Variants in TMPRSS11B observed in about 807,000 individuals in gnomAD.
The protein encoded by TMPRSS11B is transmembrane protease serine 11B.
A neutral mutation model predicts 44.7 loss-of-function variants in TMPRSS11B; 53 were observed. The ratio of observed to expected loss-of-function variants is 1.19; its 90% confidence interval spans 0.95 to 1.49. The LOEUF is 1.49. Ranked by LOEUF, TMPRSS11B falls within the 40% of genes most tolerant of loss-of-function variation. The pLI, the probability that TMPRSS11B is intolerant of heterozygous loss-of-function variation, is 0.00. For synonymous variants in TMPRSS11B, 140 were observed against 159.2 expected (o/e 0.88, Z 0.91); for missense variants, 526 against 494.8 (o/e 1.06, Z -0.60).
Position 68,229,399 on chromosome 4 carries a change from A to G in TMPRSS11B, c.804T>C (p.His268=), listed in dbSNP as rs375020107. The G allele has an allele frequency of 1.4e-5, 23 of 1,613,990 alleles. No individual in the cohort carries two copies. Among genetic ancestry groups the G allele is most frequent in the Middle Eastern group, 1.6e-4 (1 of 6,080 alleles). Residue 268 remains histidine, a synonymous_variant, in exon 8 of 10, where the codon CAT becomes CAC. Coordinates refer to ENST00000332644, the MANE Select transcript of TMPRSS11B (RefSeq NM_182502.3). The part of the protein sequence containing the change: ...FHENYSSPGL[H]DDIALVQLAE... ...CAAGCTGCACAAGGGCAATATCATC[A>G]TGAAGCCCAGGACTGCTATAATTTT...
In TMPRSS11B at chr4:68,226,768, A is replaced by G. The variant is rs771922525; in HGVS notation, c.*1143T>C. On this transcript the variant is annotated 3_prime_UTR_variant, in exon 10 of 10. Coordinates refer to ENST00000332644, the MANE Select transcript of TMPRSS11B (RefSeq NM_182502.3). ...GTAGAGATTACAAAGTTAGCCATCC[A>G]TATGATTGCACTTTTACTATAAGGA... 1 of 152,256 alleles carries G rather than the reference A, an allele frequency of 6.6e-6. No homozygotes were observed. The highest frequency in any genetic ancestry group is 1.5e-5 in the Non-Finnish European group (1 of 68,046). The allele number at this position is 152,256 out of a possible 1,614,324, so 9.4% of individuals were successfully genotyped here. A position where few individuals can be genotyped will look rare whatever the true frequency, so the allele number is the denominator to read the frequency against.
chr4:68,228,079 G>A lies in TMPRSS11B; in HGVS notation c.1090-7C>T, dbSNP rs1226041594. 5 of 1,583,428 alleles carry A rather than the reference G, an allele frequency of 3.2e-6. No individual in the cohort carries two copies. In the Admixed American group the frequency reaches 7.9e-5, roughly 25 times the overall value. ...GTGGTCCACCAGAATCATTCTAGAA[G>A]AAGAAAAGAAAAAAATGTTTCTTGT... is the stretch of plus-strand genomic sequence containing the variant. On this transcript the variant is annotated splice_region_variant and splice_polypyrimidine_tract_variant and intron_variant, in intron 9 of 9. Coordinates refer to ENST00000332644, the MANE Select transcript of TMPRSS11B (RefSeq NM_182502.3).
chr4:68,231,054 TTTAA>T lies in TMPRSS11B; in HGVS notation c.686+145_686+148del, dbSNP rs532208313. On this transcript the variant is annotated intron_variant, in intron 7 of 9. Transcript: ENST00000332644. Reference sequence around the variant, plus strand: ...TTTAAATGCATTTCCTTTCCTGCTCTTTAATTACGCAGGTGATTGTAAATGTTCT... The same window carrying T: ...TTTAAATGCATTTCCTTTCCTGCTCTTTACGCAGGTGATTGTAAATGTTCT... The T allele has an allele frequency of 3.0e-3, 1,864 of 614,978 alleles. 28 individuals are homozygous for T. The African/African-American group carries it at 0.032, about 10-fold the overall frequency. The allele number at this position is 614,978 out of a possible 1,614,324, so 38.1% of individuals were successfully genotyped here.
chr4:68,238,727 C>CA (rs1473209819), intron 2 of TMPRSS11B, among the ~76,000 whole-genome samples: 4 of 150,888 alleles, frequency 2.7e-5, no homozygotes, highest in Middle Eastern at 3.4e-3. Flanking sequence ...ACTCCATCTC[C>CA]AAAAAACAAA....
chr4:68,238,052 A>G (rs957902836), intron 2 of TMPRSS11B, among the ~76,000 whole-genome samples: 2 of 152,040 alleles, frequency 1.3e-5, no homozygotes, highest in Non-Finnish European at 2.9e-5. Flanking sequence ...AATATGAAAG[A>G]ATACCCTGTT....
Position 68,245,539 on chromosome 4 carries a change from A to C in TMPRSS11B, c.8+12T>G. 6.2e-7 allele frequency: 1 copy of C among 1,613,586 alleles called. No homozygotes were observed. The highest frequency in any genetic ancestry group is 1.1e-5 in the South Asian group (1 of 91,052). ...TTTGCCAACTTGCTCTCCCCAGTGAAGTCCCCTTTACCTGTACATAATGTT... is the reference window on the plus strand; with the variant it reads ...TTTGCCAACTTGCTCTCCCCAGTGACGTCCCCTTTACCTGTACATAATGTT... On this transcript the variant is annotated intron_variant, in intron 1 of 9. Coordinates refer to ENST00000332644, the MANE Select transcript of TMPRSS11B (RefSeq NM_182502.3).
intron 5 of TMPRSS11B, 37 bp from the exon 6 acceptor site, chr4:68,232,453 C>G (rs569798316): frequency 6.3e-7 from 1 of 1,585,778 alleles, no homozygotes; most frequent in South Asian, 1.1e-5. Flanking sequence ...TAAAATTGAG[C>G]AAATATCACC....
At chr4:68,242,736 AT>A (rs1719895919) in intron 1 of TMPRSS11B, among the ~76,000 whole-genome samples, 1 of 151,432 alleles carries the variant, frequency 6.6e-6, no homozygotes, top group African/African-American at 2.4e-5. Flanking sequence ...ACACCCAGCT[AT>A]TTTTTTGTAA....
At chr4:68,233,546 T>TTCTATA (rs1719578858) in intron 5 of TMPRSS11B, among the ~76,000 whole-genome samples, 1 of 152,114 alleles carries the variant, frequency 6.6e-6, no homozygotes, top group Admixed American at 6.5e-5. Context: ...GATAGATTGT[T>TTCTATA]TACTCTCTTT....
chr4:68,234,610 C>A lies in TMPRSS11B; in HGVS notation c.322G>T (p.Gly108Cys). ...TTCAGCTGTAACTGCACATTTGAAC[C>A]ATTGGCATTAGGCCTAGAAACAACA... is the stretch of plus-strand genomic sequence containing the variant. Reference protein sequence around the residue: ...EVIKLLPNANGSNVQLQLKFK... With the variant: ...EVIKLLPNANCSNVQLQLKFK... Residue 108 changes from glycine (G) to cysteine (C), a missense_variant, in exon 5 of 10, where the codon GGT becomes TGT. By Grantham distance (159) the Gly-to-Cys change is radical. Transcript: ENST00000332644. 1 of 1,613,812 alleles carries A rather than the reference C, an allele frequency of 6.2e-7. No homozygotes were observed. Among genetic ancestry groups the A allele is most frequent in the Non-Finnish European group, 8.5e-7 (1 of 1,179,916 alleles).
At chr4:68,239,272 G>T (rs1014913427) in intron 2 of TMPRSS11B, among the ~76,000 whole-genome samples, 3 of 145,364 alleles carry the variant, frequency 2.1e-5, no homozygotes, top group South Asian at 2.1e-4. Context: ...TCGCGCGCGC[G>T]CTCTCTCTCT....
At chr4:68,234,204 C>A (rs891193300) in intron 5 of TMPRSS11B, among the ~76,000 whole-genome samples, 1 of 151,900 alleles carries the variant, frequency 6.6e-6, no homozygotes, top group South Asian at 2.1e-4. Flanking sequence ...CCCTTCACCC[C>A]CTTTCCCATG....
At chr4:68,237,423 G>A (rs1191290264) in intron 2 of TMPRSS11B, among the ~76,000 whole-genome samples, 1 of 152,060 alleles carries the variant, frequency 6.6e-6, no homozygotes, top group African/African-American at 2.4e-5. Flanking sequence ...CTTTATAGTA[G>A]AATGATAATG....
rs372813892 is a variant in TMPRSS11B at position 68,229,292 on chromosome 4, A to G, written c.911T>C (p.Val304Ala). ...AAGTGTTCCCCAACCTGTAACTACA[A>G]CATTGTCATTTTCTGAGAGCTTCAT... ...AKMKLSENDN[V>A]VVTGWGTLYM... Residue 304 changes from valine (V) to alanine (A), a missense_variant, in exon 8 of 10, where the codon GTT (valine) becomes GCT (alanine). Val to Ala is a moderately conservative substitution (Grantham distance 64). Coordinates refer to ENST00000332644, the MANE Select transcript of TMPRSS11B (RefSeq NM_182502.3). 3 of 1,612,854 alleles carry G rather than the reference A, an allele frequency of 1.9e-6. No individual in the cohort carries two copies. The highest frequency in any genetic ancestry group is 2.7e-5 in the African/African-American group (2 of 74,854).
At chr4:68,242,076 GC>G in intron 1 of TMPRSS11B, among the ~76,000 whole-genome samples, 1 of 147,012 alleles carries the variant, frequency 6.8e-6, no homozygotes. Context: ...AAATTGACTT[GC>G]TTTTTTTAAA....
chr4:68,241,130 A>G (rs976839943), intron 2 of TMPRSS11B, among the ~76,000 whole-genome samples: 1 of 152,152 alleles, frequency 6.6e-6, no homozygotes, highest in Non-Finnish European at 1.5e-5. Context: ...TTAAATAACT[A>G]TACAGGTTTA....
chr4:68,241,096 G>A (rs1376713630), intron 2 of TMPRSS11B, among the ~76,000 whole-genome samples: 1 of 151,890 alleles, frequency 6.6e-6, no homozygotes, highest in Non-Finnish European at 1.5e-5. Flanking sequence ...GTGGAATGAT[G>A]GATGTCAAAT....
At chr4:68,237,889 T>C (rs1035675474) in intron 2 of TMPRSS11B, among the ~76,000 whole-genome samples, 2 of 152,060 alleles carry the variant, frequency 1.3e-5, no homozygotes, top group Admixed American at 6.6e-5. Flanking sequence ...TGGTGGCACG[T>C]GCCTGTAGTC....
intron 2 of TMPRSS11B, among the ~76,000 whole-genome samples, chr4:68,240,217 TAA>T (rs33910575): frequency 0.014 from 2,120 of 152,262 alleles, 37 homozygotes; most frequent in African/African-American, 0.048. Flanking sequence ...TTATCCAGCT[TAA>T]GTTATTCTCA....
Sources: allele counts gnomAD v4.1 joint callset (sites outside exome capture counted in the v4.1 genomes callset), GRCh38; gene constraint gnomAD v4.1.1; transcripts MANE v1.5; gene names NCBI Gene and HGNC (gene_info 2026-07-23, HGNC 2026-07-21).